The following AOPEP variants were observed in gnomAD, a reference collection of about 807,000 sequenced individuals.
The protein encoded by AOPEP is aminopeptidase O.
In AOPEP, 77 loss-of-function variants were observed where a neutral mutation model predicts 98.1. The ratio of observed to expected loss-of-function variants is 0.78; its 90% CI spans 0.65 to 0.95. AOPEP has a LOEUF of 0.95. Ranked by LOEUF, AOPEP falls within the 40% of genes least tolerant of loss-of-function variation. The probability of loss-of-function intolerance (pLI) is 0.00; values close to 1 mark genes in which losing one functional copy is unlikely to be tolerated. For missense variants in AOPEP, 1,024 were observed against 1,024.7 expected, an observed-to-expected ratio of 1.00 and a Z score of 0.01; for synonymous variants, 346 against 365.3, an observed-to-expected ratio of 0.95 and a Z score of 0.60.
the AOPEP span, among the ~76,000 whole-genome samples, chr9:95,094,033 T>TC: frequency 3.2e-4 from 49 of 152,276 alleles, no homozygotes; most frequent in South Asian, 1.0e-2. Context: ...TTCCTTTTTT[T>TC]CTCTCGTTCC....
At chr9:94,891,061 T>C (rs2136053514) in intron 5 of AOPEP, among the ~76,000 whole-genome samples, 1 of 152,364 alleles carries the variant, frequency 6.6e-6, no homozygotes, top group Non-Finnish European at 1.5e-5. Flanking sequence ...ACTACAATTG[T>C]AGATTGCCGG....
At chr9:94,837,374 A>G (rs1029174360) in intron 5 of AOPEP, among the ~76,000 whole-genome samples, 3 of 152,226 alleles carry the variant, frequency 2.0e-5, no homozygotes, top group African/African-American at 7.2e-5. Context: ...CACAATACAA[A>G]AAAAGAGGGA....
At chr9:95,031,418 A>G (rs145402797) in intron 13 of AOPEP, among the ~76,000 whole-genome samples, 1 of 152,304 alleles carries the variant, frequency 6.6e-6, no homozygotes, top group Non-Finnish European at 1.5e-5. Flanking sequence ...ACGTGTACCC[A>G]GAATGCCAGA....
At chr9:94,997,916 C>A (rs2061339459) in intron 11 of AOPEP, among the ~76,000 whole-genome samples, 1 of 152,012 alleles carries the variant, frequency 6.6e-6, no homozygotes, top group Non-Finnish European at 1.5e-5. Flanking sequence ...CCAGGCTGGT[C>A]TTGAACTCCT....
intron 6 of AOPEP, among the ~76,000 whole-genome samples, chr9:94,927,788 C>T (rs1322832801): frequency 2.0e-5 from 3 of 152,220 alleles, no homozygotes; most frequent in Admixed American, 1.3e-4. Flanking sequence ...CAGAAACACC[C>T]GTGGATAGAC....
At chr9:95,036,702 C>CTTTTTTTTTTTTT (rs58616523) in intron 13 of AOPEP, among the ~76,000 whole-genome samples, 3 of 135,820 alleles carry the variant, frequency 2.2e-5, no homozygotes, top group Admixed American at 7.8e-5. Flanking sequence ...TCTTCTTCTT[C>CTTTTTTTTTTTTT]TTTTTTTTTT....
At chr9:95,130,796 A>G in the AOPEP span, among the ~76,000 whole-genome samples, 2 of 152,192 alleles carry the variant, frequency 1.3e-5, no homozygotes, top group South Asian at 4.1e-4. Flanking sequence ...GATTCTCCAT[A>G]AGAGTCATTT....
At chr9:95,018,140 G>A (rs954584018) in intron 13 of AOPEP, among the ~76,000 whole-genome samples, 1 of 152,124 alleles carries the variant, frequency 6.6e-6, no homozygotes, top group Non-Finnish European at 1.5e-5. Flanking sequence ...TTTCTCTTGG[G>A]TGGGTACCTA....
intron 5 of AOPEP, among the ~76,000 whole-genome samples, chr9:94,909,420 G>C (rs892949815): frequency 2.7e-5 from 4 of 149,270 alleles, no homozygotes; most frequent in African/African-American, 7.4e-5. Context: ...TTATACAACT[G>C]TGAAAAGATG....
chr9:95,020,727 C>T (rs749062535), intron 13 of AOPEP, among the ~76,000 whole-genome samples: 4 of 151,656 alleles, frequency 2.6e-5, no homozygotes, highest in Admixed American at 6.6e-5. Context: ...AGACCAACCT[C>T]GGCAACATGG....
intron 13 of AOPEP, among the ~76,000 whole-genome samples, chr9:95,054,858 T>A (rs1356972379): frequency 6.6e-6 from 1 of 152,248 alleles, no homozygotes; most frequent in African/African-American, 2.4e-5. Flanking sequence ...TAGACAAATA[T>A]GCACCAATTG....
chr9:94,987,114 T>C (rs553755429), intron 11 of AOPEP, among the ~76,000 whole-genome samples: 1 of 152,354 alleles, frequency 6.6e-6, no homozygotes, highest in African/African-American at 2.4e-5. Context: ...CATAGGTTCT[T>C]GATGAGAGAC....
rs185000575 is a variant in AOPEP, at chr9:95,026,951, A to G, written c.2115+21335A>G. Among the ~76,000 whole-genome samples, 29 of 152,354 alleles carry G rather than the reference A, an allele frequency of 1.9e-4. No individual in the cohort carries two copies. In the East Asian group the frequency reaches 5.4e-3, roughly 28 times the overall value. ...TTAAGGTATTTACAGTTTTTCAAGC[A>G]TTGTTAACACATGTTAATTAAAACT... On this transcript the variant is annotated intron_variant, in intron 13 of 16. Coordinates refer to ENST00000375315, the MANE Select transcript of AOPEP (RefSeq NM_001193329.3).
At chr9:95,015,151 C>T (rs548679036) in intron 13 of AOPEP, among the ~76,000 whole-genome samples, 2 of 152,184 alleles carry the variant, frequency 1.3e-5, no homozygotes, top group African/African-American at 2.4e-5. Context: ...ACACTTTACA[C>T]ATGTAGGCTG....
In AOPEP at chr9:94,955,932, G is replaced by T; in HGVS notation, c.1789G>T (p.Ala597Ser). Residue 597 changes from alanine to serine, a missense_variant, in exon 9 of 17, where the codon GCC (alanine) becomes TCC (serine). Around this residue, in one of 3 missense-constraint regions of AOPEP, gnomAD observed 566 missense variants for 551.7 expected, o/e 1.03. Coordinates refer to ENST00000375315, the MANE Select transcript of AOPEP (RefSeq NM_001193329.3). ...LKGYFLLRFL[A>S]KRLGDETYFS... Reference sequence around the variant, plus strand: ...GGGCTACTTCCTTCTTCGGTTTCTTGCCAAAAGACTTGGAGATGAAACCTA... The same window carrying T: ...GGGCTACTTCCTTCTTCGGTTTCTTTCCAAAAGACTTGGAGATGAAACCTA... 2 of 1,611,882 alleles carry T rather than the reference G, an allele frequency of 1.2e-6. No homozygotes were observed. Among genetic ancestry groups the T allele is most frequent in the Non-Finnish European group, 8.5e-7 (1 of 1,179,228 alleles).
chr9:95,003,350 A>G (rs1385872718), intron 11 of AOPEP, among the ~76,000 whole-genome samples: 1 of 152,202 alleles, frequency 6.6e-6, no homozygotes, highest in Non-Finnish European at 1.5e-5. Context: ...GTTTCTTCCA[A>G]GACTGTATGT....
At chr9:95,116,103 G>A in the AOPEP span, among the ~76,000 whole-genome samples, 3 of 152,218 alleles carry the variant, frequency 2.0e-5, no homozygotes, top group Non-Finnish European at 4.4e-5. Context: ...CAAACGGAAA[G>A]GTAAAGGGTT....
downstream of AOPEP, among the ~76,000 whole-genome samples, chr9:95,089,308 G>C (rs143994187): frequency 1.3e-5 from 2 of 152,236 alleles, no homozygotes; most frequent in Non-Finnish European, 2.9e-5. Flanking sequence ...ATCAAAGGGC[G>C]TGTGACAACT....
At chr9:95,020,888 C>A (rs544976486) in intron 13 of AOPEP, among the ~76,000 whole-genome samples, 4 of 118,210 alleles carry the variant, frequency 3.4e-5, no homozygotes, top group African/African-American at 6.5e-5. Flanking sequence ...CACTGTACTC[C>A]AGCCTGGGCA....
Sources: allele counts gnomAD v4.1 joint callset (sites outside exome capture counted in the v4.1 genomes callset), GRCh38; gene constraint gnomAD v4.1.1; regional missense constraint gnomAD v4.1.1; transcripts MANE v1.5; gene names NCBI Gene and HGNC (gene_info 2026-07-23, HGNC 2026-07-21).